The following ZNF688 variants were observed in gnomAD, a reference collection of about 807,000 sequenced individuals.
ZNF688 encodes the protein zinc finger protein 688.
A neutral mutation model predicts 13.2 loss-of-function variants in ZNF688; 10 were observed. The ratio of observed to expected loss-of-function variants is 0.76; its 90% CI spans 0.47 to 1.28. The LOEUF is 1.28. Ranked by LOEUF, ZNF688 falls within the 50% of genes most tolerant of loss-of-function variation. ZNF688 has a pLI of 0.00. For missense variants in ZNF688, 381 were observed against 391.4 expected, an observed-to-expected ratio of 0.97 and a Z score of 0.22; for synonymous variants, 160 against 159.4, an observed-to-expected ratio of 1.00 and a Z score of -0.03.
chr16:30,576,728 C>A (rs958647777), upstream of ZNF688, among the ~76,000 whole-genome samples: 7 of 152,128 alleles, frequency 4.6e-5, no homozygotes, highest in Admixed American at 2.0e-4. Context: ...TGACCATCTG[C>A]ATGTTTTATT....
Position 30,569,987 on chromosome 16 carries a change from G to C in ZNF688, c.760C>G (p.Pro254Ala), listed in dbSNP as rs772440408. The change falls in exon 3 of 3, where the codon CCC becomes GCC. Residue 254 changes from proline (P) to alanine (A), a missense_variant. Physicochemically the swap from Pro to Ala is conservative, Grantham distance 27. Transcript: ENST00000223459. ...GGCGGGTCCCGGTCACCTCGGACGG[G>C]GGCCCGAGGCACAGCCCGGATCCCA... ...RPGIRAVPRA[P>A]VRGDRDPPVL... The C allele has an allele frequency of 3.7e-6, 6 of 1,606,020 alleles. No individual in the cohort carries two copies. The Admixed American group carries it at 8.5e-5, about 23-fold the overall frequency.
chr16:30,578,700 T>A, the ZNF688 span: 5 of 151,948 alleles, frequency 3.3e-5, no homozygotes. Flanking sequence ...ATTTTGTATT[T>A]CTTTTTTTTT....
At chr16:30,576,920 C>T (rs539451074), upstream of ZNF688, among the ~76,000 whole-genome samples, 17 of 152,132 alleles carry the variant, frequency 1.1e-4, no homozygotes, top group South Asian at 4.2e-4. Flanking sequence ...AAGTGTGCAA[C>T]ACCATGCCTG....
At chr16:30,572,933 G>T (rs374235639), upstream of ZNF688, among the ~76,000 whole-genome samples, 3 of 151,728 alleles carry the variant, frequency 2.0e-5, no homozygotes, top group East Asian at 5.8e-4. Flanking sequence ...GTGCAATGGC[G>T]CTATCTCGGC....
At chr16:30,572,432 T>A (rs2051702101), upstream of ZNF688, 5 of 799,942 alleles carry the variant, frequency 6.3e-6, no homozygotes, top group Middle Eastern at 4.2e-4. Context: ...TACAGTAGCT[T>A]AGCTGCGGAG....
At chr16:30,574,380 T>C (rs552107993), upstream of ZNF688, among the ~76,000 whole-genome samples, 4 of 151,832 alleles carry the variant, frequency 2.6e-5, no homozygotes, top group South Asian at 2.1e-4. Context: ...ACCCCGTCTG[T>C]ACTAAAAATA....
chr16:30,570,985 G>A (rs1004198357), intron 2 of ZNF688, 25 bp downstream of exon 2: 1 of 1,611,846 alleles, frequency 6.2e-7, no homozygotes. Flanking sequence ...AAAACCAAGT[G>A]GGGGGACCCG....
upstream of ZNF688, chr16:30,573,781 A>C (rs554550835): frequency 3.0e-5 from 8 of 264,618 alleles, no homozygotes; most frequent in Non-Finnish European, 5.2e-5. Flanking sequence ...TCTCATATGC[A>C]TATGTTATTA....
chr16:30,574,851 T>C (rs1160311452), upstream of ZNF688, among the ~76,000 whole-genome samples: 1 of 152,166 alleles, frequency 6.6e-6, no homozygotes, highest in African/African-American at 2.4e-5. Flanking sequence ...CCAACTTCTC[T>C]TCATCCACCT....
the ZNF688 span, chr16:30,578,368 CA>C: frequency 6.6e-6 from 1 of 152,184 alleles, no homozygotes; most frequent in South Asian, 2.1e-4. Context: ...CTCTTGCTTT[CA>C]AATTATTTTA....
upstream of ZNF688, chr16:30,571,755 G>A (rs1270312343): frequency 5.2e-6 from 7 of 1,335,934 alleles, no homozygotes; most frequent in Non-Finnish European, 4.8e-6. Context: ...GAACGCAGCC[G>A]AGGCAACCGA....
upstream of ZNF688, among the ~76,000 whole-genome samples, chr16:30,576,030 A>C (rs1319307662): frequency 6.6e-6 from 1 of 152,110 alleles, no homozygotes; most frequent in East Asian, 1.9e-4. Context: ...ATTCTAACTA[A>C]GGTACGATAA....
At chr16:30,578,628 A>G in the ZNF688 span, 1 of 152,126 alleles carries the variant, frequency 6.6e-6, no homozygotes. Flanking sequence ...GGGTCAAACG[A>G]TTCTCCTGCC....
intron 2 of ZNF688, chr16:30,570,692 C>T (rs2051660965): frequency 2.4e-6 from 1 of 416,586 alleles, no homozygotes; most frequent in Admixed American, 4.0e-5. Flanking sequence ...GCATGTTAAG[C>T]ACTTAGGAAG....
At chr16:30,571,273 A>G (rs2151231384) in intron 1 of ZNF688, 150 bp from the exon 2 acceptor site, 1 of 1,538,232 alleles carries the variant, frequency 6.5e-7, no homozygotes, top group East Asian at 2.4e-5. Flanking sequence ...ATGCGGGTGA[A>G]AACACTCCCG....
upstream of ZNF688, chr16:30,571,879 C>G: frequency 7.8e-7 from 1 of 1,279,172 alleles, no homozygotes; most frequent in Non-Finnish European, 9.8e-7. Context: ...TTAAGGGACC[C>G]GGAAGGTGCC....
At chr16:30,573,558 T>A (rs1227997225), upstream of ZNF688, among the ~76,000 whole-genome samples, 2 of 152,214 alleles carry the variant, frequency 1.3e-5, no homozygotes, top group Non-Finnish European at 2.9e-5. Context: ...TTGCTGGAGA[T>A]AACAAGCAAG....
upstream of ZNF688, chr16:30,572,049 G>A (rs2051695021): frequency 7.0e-7 from 1 of 1,428,832 alleles, no homozygotes; most frequent in Non-Finnish European, 9.2e-7. Flanking sequence ...AGTGGGGGAG[G>A]CGGGGTGTCT....
chr16:30,572,369 C>T (rs1006577355), upstream of ZNF688: 2 of 1,338,674 alleles, frequency 1.5e-6, no homozygotes, highest in East Asian at 5.6e-5. Flanking sequence ...TGGGAAGACG[C>T]GCACACCCTG....
Sources: gnomAD v4.1 joint callset for allele counts (sites outside exome capture counted in the v4.1 genomes callset) on GRCh38, gnomAD v4.1.1 for gene constraint, MANE v1.5 for transcripts, NCBI Gene and HGNC (gene_info 2026-07-23, HGNC 2026-07-21) for gene names.